FAF1: variants seen among roughly 807,000 people sequenced by gnomAD.
FAF1 encodes Fas associated factor 1, also known as FAS-associated factor 1.
A neutral mutation model predicts 92.5 loss-of-function variants in FAF1; 25 were observed. That is an observed-to-expected ratio of 0.27 (90% CI 0.20 to 0.38). The LOEUF (loss-of-function observed/expected upper bound fraction) is 0.38. FAF1 is among the 10% of genes least tolerant of loss of function. The probability of loss-of-function intolerance (pLI) is 1.00; values close to 1 mark genes in which losing one functional copy is unlikely to be tolerated. For synonymous variants in FAF1, 234 were observed against 273.2 expected (o/e 0.86, Z 1.42); for missense variants, 636 against 793.3 (o/e 0.80, Z 2.38).
intron 8 of FAF1, among the ~76,000 whole-genome samples, chr1:50,611,593 A>C (rs1352436079): frequency 6.6e-6 from 1 of 152,234 alleles, no homozygotes; most frequent in Non-Finnish European, 1.5e-5. Context: ...AAACTCAAGG[A>C]AACATGAGAT....
intron 3 of FAF1, among the ~76,000 whole-genome samples, chr1:50,799,383 C>CA (rs887557454): frequency 2.6e-5 from 4 of 151,408 alleles, no homozygotes; most frequent in African/African-American, 4.8e-5. Context: ...CTTAAGCATT[C>CA]AAAAAAAAGT....
intron 8 of FAF1, among the ~76,000 whole-genome samples, chr1:50,636,785 A>G (rs1050608190): frequency 3.3e-5 from 5 of 151,856 alleles, no homozygotes; most frequent in African/African-American, 1.2e-4. Flanking sequence ...CTATCCCAAG[A>G]TTTTCTCCTA....
At chr1:50,664,905 C>G (rs987689815) in intron 7 of FAF1, among the ~76,000 whole-genome samples, 1 of 152,184 alleles carries the variant, frequency 6.6e-6, no homozygotes, top group South Asian at 2.1e-4. Flanking sequence ...CAGACAAGAC[C>G]TTGTCACGAA....
At chr1:50,809,045 C>T (rs1220346070) in intron 2 of FAF1, among the ~76,000 whole-genome samples, 1 of 152,108 alleles carries the variant, frequency 6.6e-6, no homozygotes, top group Non-Finnish European at 1.5e-5. Flanking sequence ...ATATAGGAGA[C>T]TTCAACACTC....
intron 13 of FAF1, among the ~76,000 whole-genome samples, chr1:50,562,677 A>G (rs762337540): frequency 1.3e-5 from 2 of 152,172 alleles, no homozygotes; most frequent in Admixed American, 1.3e-4. Flanking sequence ...CTCATATTAT[A>G]TATTAGCTCT....
At chr1:50,846,944 G>A in intron 2 of FAF1, 1 of 252,188 alleles carries the variant, frequency 4.0e-6, no homozygotes, top group African/African-American at 2.3e-5. Context: ...ATATAAGAGT[G>A]TATTGCAGGT....
At chr1:50,944,203 A>G (rs1645156395) in intron 1 of FAF1, among the ~76,000 whole-genome samples, 1 of 152,190 alleles carries the variant, frequency 6.6e-6, no homozygotes. Context: ...ACCTCCCAGT[A>G]AGTTTACAGG....
At chr1:50,654,767 A>G (rs149597329) in intron 8 of FAF1, among the ~76,000 whole-genome samples, 1 of 152,312 alleles carries the variant, frequency 6.6e-6, no homozygotes, top group African/African-American at 2.4e-5. Flanking sequence ...TGCCTTGAAC[A>G]TTTCATTAGT....
At chr1:50,737,673 C>A (rs2221933) in intron 6 of FAF1, among the ~76,000 whole-genome samples, 150,123 of 152,332 alleles carry the variant, frequency 0.99, 74,009 homozygotes, top group South Asian at 1. Context: ...AACCCAAAAC[C>A]AACTATTAAC....
intron 7 of FAF1, among the ~76,000 whole-genome samples, chr1:50,697,056 A>G (rs1174914515): frequency 6.6e-6 from 1 of 152,258 alleles, no homozygotes; most frequent in Non-Finnish European, 1.5e-5. Context: ...ACACAATCCC[A>G]GGAAACCTGG....
At chr1:50,645,346 A>C (rs1654531410) in intron 8 of FAF1, among the ~76,000 whole-genome samples, 1 of 152,264 alleles carries the variant, frequency 6.6e-6, no homozygotes, top group South Asian at 2.1e-4. Flanking sequence ...GTGCTTACTC[A>C]AGGGAAAGAG....
At chr1:50,649,651 A>G (rs1361109523) in intron 8 of FAF1, among the ~76,000 whole-genome samples, 1 of 152,062 alleles carries the variant, frequency 6.6e-6, no homozygotes, top group Non-Finnish European at 1.5e-5. Flanking sequence ...TTAGTAATCA[A>G]GAAAGAAAAG....
intron 2 of FAF1, among the ~76,000 whole-genome samples, chr1:50,819,790 T>C (rs12059643): frequency 4.0e-5 from 4 of 99,096 alleles, no homozygotes; most frequent in African/African-American, 1.5e-4. Flanking sequence ...TATATATACA[T>C]ATATATATAT....
At chr1:50,824,082 G>A (rs894633765) in intron 2 of FAF1, among the ~76,000 whole-genome samples, 8 of 152,082 alleles carry the variant, frequency 5.3e-5, no homozygotes, top group African/African-American at 1.9e-4. Context: ...TATGAAGAGT[G>A]TAAATAATGT....
intron 15 of FAF1, among the ~76,000 whole-genome samples, chr1:50,513,676 C>T (rs1388827425): frequency 2.0e-5 from 3 of 152,094 alleles, no homozygotes; most frequent in African/African-American, 4.8e-5. Flanking sequence ...ATCCTCCTAC[C>T]TATATTTTTA....
chr1:50,499,373 T>TC (rs1166186473), intron 15 of FAF1, among the ~76,000 whole-genome samples: 2 of 151,796 alleles, frequency 1.3e-5, no homozygotes, highest in African/African-American at 4.8e-5. Flanking sequence ...GTTTTTTTTT[T>TC]TTTTTTTTTT....
In FAF1 at chr1:50,685,981, T is replaced by A. The variant is rs2124379049; in HGVS notation, c.657+19805A>T. ...AGAATATGCTTTCCTAACAGGCTAATTAATATCTTTATTCCCTAAAGTATT... is the reference window on the plus strand; with the variant it reads ...AGAATATGCTTTCCTAACAGGCTAAATAATATCTTTATTCCCTAAAGTATT... On this transcript the variant is annotated intron_variant, in intron 7 of 18. Transcript: ENST00000396153. Among the ~76,000 whole-genome samples the A allele has an allele frequency of 1.3e-5, 2 of 152,344 alleles. 1 individual carries two copies. Among genetic ancestry groups the A allele is most frequent in the Middle Eastern group, 6.8e-3 (2 of 294 alleles).
intron 18 of FAF1, among the ~76,000 whole-genome samples, chr1:50,455,049 A>T (rs895147452): frequency 8.5e-5 from 13 of 152,200 alleles, no homozygotes; most frequent in African/African-American, 2.7e-4. Flanking sequence ...CTCTTCCCCC[A>T]GCCTCATTCC....
At chr1:50,605,044 T>G (rs755250443) in intron 8 of FAF1, among the ~76,000 whole-genome samples, 4 of 152,184 alleles carry the variant, frequency 2.6e-5, no homozygotes, top group Non-Finnish European at 5.9e-5. Flanking sequence ...ATTACCCACT[T>G]TTATGCTTCC....
Sources: gnomAD v4.1 joint callset for allele counts (sites outside exome capture counted in the v4.1 genomes callset) on GRCh38, gnomAD v4.1.1 for gene constraint, MANE v1.5 for transcripts, NCBI Gene and HGNC (gene_info 2026-07-23, HGNC 2026-07-21) for gene names.